DACH1: variants seen among roughly 807,000 people sequenced by gnomAD.
DACH1 encodes dachshund homolog 1.
In DACH1, 12 loss-of-function variants were observed where a neutral mutation model predicts 54.2. The ratio of observed to expected loss-of-function variants is 0.22; its 90% CI spans 0.14 to 0.36. The LOEUF (loss-of-function observed/expected upper bound fraction) is 0.36. DACH1 is among the 10% of genes least tolerant of loss of function. The pLI, the probability that DACH1 is intolerant of heterozygous loss-of-function variation, is 1.00. For synonymous variants in DACH1, 386 were observed against 366.2 expected, an observed-to-expected ratio of 1.05 and a Z score of -0.62; for missense variants, 805 against 929.8, an observed-to-expected ratio of 0.87 and a Z score of 1.75.
intron 1 of DACH1, among the ~76,000 whole-genome samples, chr13:71,686,923 T>G (rs2138713513): frequency 6.6e-6 from 1 of 152,074 alleles, no homozygotes; most frequent in South Asian, 2.1e-4. Flanking sequence ...GACATTAGGG[T>G]TTCAATAATA....
chr13:71,535,861 T>C lies in DACH1; in HGVS notation c.1570+21163A>G, dbSNP rs569031173. Among the ~76,000 whole-genome samples, 22 of 152,132 alleles carry C rather than the reference T, an allele frequency of 1.4e-4. No individual in the cohort carries two copies. The South Asian group carries it at 2.3e-3, about 16-fold the overall frequency. On this transcript the variant is annotated intron_variant, in intron 6 of 10. Transcript: ENST00000613252. ...CAATAGTTTAACATTGTCTTCCAAG[T>C]TGACTAAATCAAAGTAAAAACATGC...
chr13:71,482,426 G>A (rs1187486307), intron 7 of DACH1, among the ~76,000 whole-genome samples: 1 of 152,114 alleles, frequency 6.6e-6, no homozygotes, highest in East Asian at 1.9e-4. Flanking sequence ...TTCAGAATCA[G>A]ACAATATCTA....
At chr13:71,855,173 A>G (rs1306907353) in intron 1 of DACH1, among the ~76,000 whole-genome samples, 2 of 152,162 alleles carry the variant, frequency 1.3e-5, no homozygotes, top group East Asian at 3.9e-4. Context: ...ACCAATAACC[A>G]CTTATCCAAA....
chr13:71,440,796 A>T, intron 10 of DACH1, 104 bp from the exon 11 acceptor site: 1 of 878,536 alleles, frequency 1.1e-6, no homozygotes, highest in Non-Finnish European at 1.8e-6. Context: ...TTTTTATTAG[A>T]TCTTTACTTG....
intron 6 of DACH1, 70 bp downstream of exon 6, chr13:71,556,954 T>G: frequency 6.9e-7 from 1 of 1,445,270 alleles, no homozygotes; most frequent in South Asian, 1.4e-5. Flanking sequence ...TAGACTTCAT[T>G]GTGTGATTAA....
At chr13:71,850,171 T>C (rs1372046606) in intron 1 of DACH1, among the ~76,000 whole-genome samples, 1 of 152,222 alleles carries the variant, frequency 6.6e-6, no homozygotes, top group Admixed American at 6.5e-5. Context: ...TCCTTCCTCT[T>C]GTTAAAGTCT....
intron 1 of DACH1, among the ~76,000 whole-genome samples, chr13:71,824,400 CT>C (rs1349309160): frequency 6.6e-6 from 1 of 151,894 alleles, no homozygotes; most frequent in African/African-American, 2.4e-5. Context: ...TTCCCTAATA[CT>C]CTGAAAAAAT....
chr13:71,762,586 G>A (rs1885445603), intron 1 of DACH1, among the ~76,000 whole-genome samples: 1 of 151,850 alleles, frequency 6.6e-6, no homozygotes. Context: ...GACCAACATG[G>A]AGAAACCCCG....
At chr13:71,488,198 A>C (rs1453887252) in intron 7 of DACH1, among the ~76,000 whole-genome samples, 1 of 152,164 alleles carries the variant, frequency 6.6e-6, no homozygotes, top group Non-Finnish European at 1.5e-5. Context: ...AATTTTTCTA[A>C]AAAGGAGCTT....
chr13:71,857,599 A>G (rs1416079241), intron 1 of DACH1, among the ~76,000 whole-genome samples: 1 of 151,734 alleles, frequency 6.6e-6, no homozygotes, highest in Non-Finnish European at 1.5e-5. Flanking sequence ...TCCACCACAG[A>G]GTTCTCTAAA....
chr13:71,559,702 C>G lies in DACH1; in HGVS notation c.1435+118G>C, dbSNP rs927433354. ...TAATTTTGAGAGATGGCTATTGCTA[C>G]AGAGTTTCAGAACATGATCCATCTG... On this transcript the variant is annotated intron_variant, in intron 5 of 10. Transcript: ENST00000613252. 70 of 1,316,094 alleles carry G rather than the reference C, an allele frequency of 5.3e-5. No individual in the cohort carries two copies. In the East Asian group the frequency reaches 1.7e-3, roughly 31 times the overall value. 81.5% of individuals were successfully genotyped at this position (1,316,094 alleles called of 1,614,324 possible).
intron 2 of DACH1, among the ~76,000 whole-genome samples, chr13:71,667,045 GT>G (rs1209577073): frequency 2.0e-5 from 3 of 152,016 alleles, no homozygotes; most frequent in South Asian, 2.1e-4. Flanking sequence ...TTTATGTACA[GT>G]TTTTTTCATA....
intron 1 of DACH1, among the ~76,000 whole-genome samples, chr13:71,737,150 G>A (rs1358080780): frequency 6.6e-6 from 1 of 152,006 alleles, no homozygotes; most frequent in African/African-American, 2.4e-5. Context: ...TTGAACCCGA[G>A]AGGCAGAGGC....
intron 1 of DACH1, among the ~76,000 whole-genome samples, chr13:71,714,294 T>A (rs1882872542): frequency 6.6e-6 from 1 of 151,862 alleles, no homozygotes; most frequent in East Asian, 1.9e-4. Flanking sequence ...AAAAAGGAGT[T>A]AAAAATATTA....
chr13:71,723,956 G>A (rs1883356843), intron 1 of DACH1, among the ~76,000 whole-genome samples: 1 of 152,112 alleles, frequency 6.6e-6, no homozygotes, highest in Non-Finnish European at 1.5e-5. Context: ...CTCCCAAATT[G>A]CTGGGCTTAC....
intron 8 of DACH1, among the ~76,000 whole-genome samples, chr13:71,478,021 C>G (rs1877725818): frequency 1.3e-5 from 2 of 152,198 alleles, no homozygotes; most frequent in Admixed American, 1.3e-4. Context: ...CTCCAGTAAC[C>G]AAAGGGTTAC....
chr13:71,651,279 A>G (rs1878644336), intron 2 of DACH1, among the ~76,000 whole-genome samples: 1 of 151,288 alleles, frequency 6.6e-6, no homozygotes, highest in African/African-American at 2.4e-5. Flanking sequence ...AGGTCAGTGG[A>G]TTGCTTGAGC....
At chr13:71,779,481 A>C (rs896445133) in intron 1 of DACH1, among the ~76,000 whole-genome samples, 12 of 151,078 alleles carry the variant, frequency 7.9e-5, no homozygotes, top group Non-Finnish European at 1.6e-4. Flanking sequence ...CGCAAAATAT[A>C]CTTTGAGTAA....
chr13:71,852,743 A>C (rs1208536360), intron 1 of DACH1, among the ~76,000 whole-genome samples: 1 of 152,212 alleles, frequency 6.6e-6, no homozygotes, highest in Non-Finnish European at 1.5e-5. Context: ...ATGAGCCACA[A>C]AATAGCCAAA....
Sources: gnomAD v4.1 joint callset for allele counts (sites outside exome capture counted in the v4.1 genomes callset) on GRCh38, gnomAD v4.1.1 for gene constraint, MANE v1.5 for transcripts, NCBI Gene and HGNC (gene_info 2026-07-23, HGNC 2026-07-21) for gene names.